The following CTDSPL variants were observed in gnomAD, a reference collection of about 807,000 sequenced individuals.
CTDSPL encodes CTD small phosphatase like.
CTDSPL carries 8 observed loss-of-function variants against 30.5 expected under a neutral mutation model. The ratio of observed to expected loss-of-function variants is 0.26; its 90% CI spans 0.15 to 0.47. The LOEUF is 0.47. Ranked by LOEUF, CTDSPL falls within the 20% of genes least tolerant of loss-of-function variation. CTDSPL has a pLI of 0.99. For missense variants in CTDSPL, 248 were observed against 366.1 expected (o/e 0.68, Z 2.63); for synonymous variants, 110 against 137.9 (o/e 0.80, Z 1.42).
chr3:37,863,009 G>A (rs1697962615), intron 1 of CTDSPL, among the ~76,000 whole-genome samples: 1 of 152,202 alleles, frequency 6.6e-6, no homozygotes, highest in Non-Finnish European at 1.5e-5. Flanking sequence ...AGATGTGTGT[G>A]CCTTCCTGTG....
chr3:37,980,704 A>G (rs920696817), intron 7 of CTDSPL, 38 bp from the exon 8 acceptor site: 4 of 1,612,778 alleles, frequency 2.5e-6, no homozygotes, highest in East Asian at 4.5e-5. Context: ...CCAGCGCTAG[A>G]TGCAGTCCTG....
In CTDSPL at chr3:37,904,882, A is replaced by G. The variant is rs192239277; in HGVS notation, c.80-42175A>G. Among the ~76,000 whole-genome samples the G allele has an allele frequency of 3.5e-4, 53 of 152,290 alleles. No homozygotes were observed. In the East Asian group the frequency reaches 4.4e-3, roughly 13 times the overall value. The stretch of plus-strand genomic sequence containing the variant: ...GGATTTCCTGCCTCTAGGTCTCCTC[A>G]TCATCACCCTGTCCATCTTTCCAAG... On this transcript the variant is annotated intron_variant, in intron 1 of 7. Transcript: ENST00000273179.
At chr3:37,974,562 A>G (rs58769573) in intron 6 of CTDSPL, among the ~76,000 whole-genome samples, 8,777 of 152,276 alleles carry the variant, frequency 0.058, 310 homozygotes, top group African/African-American at 0.098. Flanking sequence ...CTAGCCACTC[A>G]GTATGGCCCA....
At chr3:37,863,253 C>T (rs1050768351) in intron 1 of CTDSPL, among the ~76,000 whole-genome samples, 13 of 152,190 alleles carry the variant, frequency 8.5e-5, no homozygotes, top group African/African-American at 3.1e-4. Flanking sequence ...CAGGAGTGTC[C>T]CCTCCCAGAG....
At chr3:37,924,458 C>A (rs1172279561) in intron 1 of CTDSPL, among the ~76,000 whole-genome samples, 1 of 152,186 alleles carries the variant, frequency 6.6e-6, no homozygotes, top group Non-Finnish European at 1.5e-5. Context: ...TAATTGCCAG[C>A]TTTTCCAACA....
chr3:37,956,173 T>C (rs1249884977), intron 2 of CTDSPL, among the ~76,000 whole-genome samples: 1 of 152,178 alleles, frequency 6.6e-6, no homozygotes, highest in African/African-American at 2.4e-5. Context: ...AATCAAGAAG[T>C]TGCTAAATAG....
At chr3:37,889,302 A>G (rs1468538567) in intron 1 of CTDSPL, among the ~76,000 whole-genome samples, 1 of 152,226 alleles carries the variant, frequency 6.6e-6, no homozygotes, top group Non-Finnish European at 1.5e-5. Context: ...TTTGGATATC[A>G]AACTGTTTGA....
At chr3:37,891,135 C>G (rs762466532) in intron 1 of CTDSPL, among the ~76,000 whole-genome samples, 14 of 152,254 alleles carry the variant, frequency 9.2e-5, no homozygotes, top group Middle Eastern at 6.8e-3. Context: ...CTGACTTGAT[C>G]CAGTAATCAG....
chr3:37,962,727 T>C (rs897226911), intron 3 of CTDSPL, among the ~76,000 whole-genome samples: 2 of 152,228 alleles, frequency 1.3e-5, no homozygotes, highest in African/African-American at 2.4e-5. Flanking sequence ...TATAAACGCA[T>C]AGGAAAAGGA....
At chr3:37,950,237 A>G (rs1699091826) in intron 2 of CTDSPL, among the ~76,000 whole-genome samples, 1 of 152,172 alleles carries the variant, frequency 6.6e-6, no homozygotes, top group African/African-American at 2.4e-5. Context: ...CTCATTTGCC[A>G]CTTCCCAGAG....
At chr3:37,874,600 C>T (rs984539747) in intron 1 of CTDSPL, among the ~76,000 whole-genome samples, 4 of 152,196 alleles carry the variant, frequency 2.6e-5, no homozygotes, top group South Asian at 4.2e-4. Context: ...CGTGGTGGCA[C>T]GCACTGGTAG....
intron 7 of CTDSPL, among the ~76,000 whole-genome samples, chr3:37,977,297 C>A (rs917045203): frequency 1.3e-5 from 2 of 152,196 alleles, no homozygotes; most frequent in African/African-American, 4.8e-5. Context: ...AAGTGTTGTG[C>A]ATTTGGAGTA....
At chr3:37,921,865 G>A (rs1206275752) in intron 1 of CTDSPL, among the ~76,000 whole-genome samples, 7 of 152,218 alleles carry the variant, frequency 4.6e-5, no homozygotes, top group Non-Finnish European at 1.0e-4. Context: ...TGCACTTGAA[G>A]ACTTTTTCCC....
chr3:37,952,142 C>A (rs6781489), intron 2 of CTDSPL, among the ~76,000 whole-genome samples: 2 of 151,510 alleles, frequency 1.3e-5, no homozygotes, highest in African/African-American at 4.9e-5. Flanking sequence ...ACTCCACTGC[C>A]CTCCAGCCTG....
At chr3:37,925,115 G>T (rs73058931) in intron 1 of CTDSPL, among the ~76,000 whole-genome samples, 5,737 of 152,070 alleles carry the variant, frequency 0.038, 129 homozygotes, top group African/African-American at 0.061. Context: ...TGTCCCCTCT[G>T]TCCATCCTTC....
chr3:37,937,577 A>C (rs1467361064), intron 1 of CTDSPL, among the ~76,000 whole-genome samples: 1 of 150,522 alleles, frequency 6.6e-6, no homozygotes, highest in Non-Finnish European at 1.5e-5. Flanking sequence ...TTGTGAGCCA[A>C]ATAAACTTCT....
chr3:37,966,683 C>T (rs1699302019), intron 4 of CTDSPL, among the ~76,000 whole-genome samples: 1 of 152,170 alleles, frequency 6.6e-6, no homozygotes, highest in South Asian at 2.1e-4. Flanking sequence ...AGTAACGGTG[C>T]TATGACCTAG....
intron 1 of CTDSPL, among the ~76,000 whole-genome samples, chr3:37,871,637 G>A (rs530063086): frequency 1.6e-4 from 25 of 152,306 alleles, no homozygotes; most frequent in African/African-American, 5.5e-4. Flanking sequence ...AGTTCATTCT[G>A]CTTCTTGGTT....
At chr3:37,879,722 G>T (rs1475732323) in intron 1 of CTDSPL, among the ~76,000 whole-genome samples, 1 of 152,132 alleles carries the variant, frequency 6.6e-6, no homozygotes, top group African/African-American at 2.4e-5. Flanking sequence ...AGAGTATAAG[G>T]ATGTGGGCTT....
Sources: allele counts gnomAD v4.1 joint callset (sites outside exome capture counted in the v4.1 genomes callset), GRCh38; gene constraint gnomAD v4.1.1; transcripts MANE v1.5; gene names NCBI Gene and HGNC (gene_info 2026-07-23, HGNC 2026-07-21).